WDPCP: variants seen among roughly 807,000 people sequenced by gnomAD.
WDPCP encodes the protein WD repeat-containing and planar cell polarity effector protein fritz homolog.
A neutral mutation model predicts 93.1 loss-of-function variants in WDPCP; 71 were observed. The observed-to-expected ratio is 0.76, with a 90% CI of 0.63 to 0.93. WDPCP has a LOEUF of 0.93. Ranked by LOEUF, WDPCP falls within the 40% of genes least tolerant of loss-of-function variation. The pLI is 0.00. For missense variants in WDPCP, 844 were observed against 887.4 expected (o/e 0.95, Z 0.62); for synonymous variants, 315 against 315.0 (o/e 1.00, Z 0.00).
intron 9 of WDPCP, among the ~76,000 whole-genome samples, chr2:63,418,952 C>T (rs1018353554): frequency 6.6e-6 from 1 of 152,086 alleles, no homozygotes; most frequent in African/African-American, 2.4e-5. Flanking sequence ...GGATGGCCAG[C>T]GTCCAGTGTT....
chr2:63,197,404 A>G (rs1356829893), intron 14 of WDPCP, among the ~76,000 whole-genome samples: 1 of 152,190 alleles, frequency 6.6e-6, no homozygotes, highest in East Asian at 1.9e-4. Context: ...AAGCTTTGGT[A>G]AAGTCAGAAG....
intron 2 of WDPCP, among the ~76,000 whole-genome samples, chr2:63,801,264 T>G (rs1225278035): frequency 6.6e-6 from 1 of 152,142 alleles, no homozygotes; most frequent in African/African-American, 2.4e-5. Flanking sequence ...AAGAAATCAG[T>G]TCCTCACCCA....
intron 6 of WDPCP, among the ~76,000 whole-genome samples, chr2:63,462,764 G>C (rs2105763779): frequency 6.6e-6 from 1 of 152,178 alleles, no homozygotes; most frequent in East Asian, 1.9e-4. Flanking sequence ...ATAAAGAAGA[G>C]GATAATTTCG....
chr2:63,737,522 T>C (rs1014371401), intron 2 of WDPCP, among the ~76,000 whole-genome samples: 3 of 152,198 alleles, frequency 2.0e-5, no homozygotes, highest in African/African-American at 4.8e-5. Flanking sequence ...AGACATCATG[T>C]GTACTCAGAC....
intron 1 of WDPCP, among the ~76,000 whole-genome samples, chr2:63,493,873 T>C (rs1388268226): frequency 6.6e-6 from 1 of 152,200 alleles, no homozygotes; most frequent in African/African-American, 2.4e-5. Context: ...GAAATGTTCT[T>C]TCCAGTAAAC....
Position 63,216,067 on chromosome 2 carries a change from G to T in WDPCP, c.1916-41235C>A, listed in dbSNP as rs536055169. Reference sequence around the variant, plus strand: ...AAAAGTCAGGAAACAACATGTGCTGGAGAGGATGTGGAGAAATAGGAACAC... The same window carrying T: ...AAAAGTCAGGAAACAACATGTGCTGTAGAGGATGTGGAGAAATAGGAACAC... On this transcript the variant is annotated intron_variant, in intron 14 of 17. Coordinates refer to ENST00000272321, the MANE Select transcript of WDPCP (RefSeq NM_015910.7). Among the ~76,000 whole-genome samples, 862 of 152,302 alleles carry T rather than the reference G, an allele frequency of 5.7e-3. 10 individuals carry two copies. Among genetic ancestry groups the T allele is most frequent in the African/African-American group, 0.02 (813 of 41,576 alleles).
upstream of WDPCP, among the ~76,000 whole-genome samples, chr2:63,592,233 T>C (rs1181678792): frequency 1.3e-5 from 2 of 152,254 alleles, no homozygotes; most frequent in African/African-American, 4.8e-5. Flanking sequence ...TAAGGTAATA[T>C]CATTAGTACT....
intron 14 of WDPCP, among the ~76,000 whole-genome samples, chr2:63,210,253 A>T (rs1676665994): frequency 6.6e-6 from 1 of 152,194 alleles, no homozygotes; most frequent in Non-Finnish European, 1.5e-5. Context: ...TGACTACAGA[A>T]CAAGTTTGGC....
chr2:63,139,827 G>A (rs149744580), intron 17 of WDPCP, among the ~76,000 whole-genome samples: 6,737 of 152,198 alleles, frequency 0.044, 191 homozygotes, highest in East Asian at 0.074. Context: ...TTAGGTCCCA[G>A]CTATTTCTCT....
intron 1 of WDPCP, chr2:63,564,612 G>A (rs543945706): frequency 1.3e-5 from 2 of 152,180 alleles, no homozygotes; most frequent in Non-Finnish European, 2.9e-5. Flanking sequence ...AATGTTTGCT[G>A]ATCTTCAATC....
intron 14 of WDPCP, among the ~76,000 whole-genome samples, chr2:63,202,692 A>G (rs1439824956): frequency 1.3e-5 from 2 of 152,276 alleles, no homozygotes; most frequent in African/African-American, 2.4e-5. Context: ...TGTAGTATTT[A>G]GCATTATGAA....
chr2:63,701,900 AG>A (rs1444986128), intron 2 of WDPCP, among the ~76,000 whole-genome samples: 1 of 152,238 alleles, frequency 6.6e-6, no homozygotes, highest in Non-Finnish European at 1.5e-5. Context: ...ACAAATATAC[AG>A]TTCGATAGAA....
chr2:63,526,816 A>G (rs1050558410), intron 1 of WDPCP, among the ~76,000 whole-genome samples: 2 of 152,176 alleles, frequency 1.3e-5, no homozygotes, highest in Admixed American at 1.3e-4. Context: ...AACTTTATTG[A>G]GCTTATCCTA....
chr2:63,581,658 T>C (rs935883830), intron 1 of WDPCP, among the ~76,000 whole-genome samples: 12 of 152,150 alleles, frequency 7.9e-5, no homozygotes, highest in Non-Finnish European at 2.9e-5. Flanking sequence ...TTAAACTAAT[T>C]TCAAATAATT....
At position 63,153,559 on chromosome 2, in the gene WDPCP, T is replaced by C. The variant is rs1672025232; in HGVS notation, c.2094A>G (p.Arg698=). ...AGATGTCTTTTTCAAGTTCATTCCT[T>C]CTGTCAATTATTTGTCTGCAGTATA... is the stretch of plus-strand genomic sequence containing the variant. ...NGSSNRQIID[R]RNELEKDICS... The change falls in exon 16 of 18, where the codon AGA becomes AGG. Residue 698 remains arginine (R), a synonymous_variant. Transcript: ENST00000272321. The C allele has an allele frequency of 6.2e-7, 1 of 1,612,240 alleles. No individual in the cohort carries two copies. The highest frequency in any genetic ancestry group is 8.5e-7 in the Non-Finnish European group (1 of 1,179,046).
chr2:63,440,487 G>C (rs1233926557), intron 6 of WDPCP: 1 of 152,074 alleles, frequency 6.6e-6, no homozygotes, highest in Non-Finnish European at 1.5e-5. Context: ...AGAAATAAAG[G>C]AATATAGTAG....
At chr2:63,437,789 T>C in intron 7 of WDPCP, 3 of 1,466,822 alleles carry the variant, frequency 2.0e-6, no homozygotes, top group South Asian at 1.3e-5. Context: ...ACACTGATAT[T>C]TGGGGACCAC....
chr2:63,257,689 T>C (rs1171954601), intron 14 of WDPCP, among the ~76,000 whole-genome samples: 2 of 152,282 alleles, frequency 1.3e-5, no homozygotes, highest in East Asian at 3.9e-4. Flanking sequence ...CTAGGAATTA[T>C]CCGCTGGCCA....
intron 3 of WDPCP, among the ~76,000 whole-genome samples, chr2:63,609,739 G>A (rs1709595318): frequency 1.3e-5 from 2 of 152,106 alleles, no homozygotes; most frequent in African/African-American, 2.4e-5. Flanking sequence ...AGGCATGGTG[G>A]TGCACACCTG....
Sources: gnomAD v4.1 joint callset for allele counts (sites outside exome capture counted in the v4.1 genomes callset) on GRCh38, gnomAD v4.1.1 for gene constraint, MANE v1.5 for transcripts, NCBI Gene and HGNC (gene_info 2026-07-23, HGNC 2026-07-21) for gene names.